Variants in CSRNP3 observed in about 807,000 individuals in gnomAD.
CSRNP3 encodes the protein cysteine and serine rich nuclear protein 3.
CSRNP3 carries 12 observed loss-of-function variants against 48.0 expected under a neutral mutation model. The observed-to-expected ratio is 0.25, with a 90% CI of 0.16 to 0.41. The LOEUF (loss-of-function observed/expected upper bound fraction) is 0.41. Ranked by LOEUF, CSRNP3 falls within the 10% of genes least tolerant of loss-of-function variation. CSRNP3 has a pLI of 1.00. For missense variants in CSRNP3, 580 were observed against 724.4 expected, an observed-to-expected ratio of 0.80 and a Z score of 2.29; for synonymous variants, 263 against 269.7, an observed-to-expected ratio of 0.98 and a Z score of 0.24.
At chr2:165,660,406 A>G (rs912388883) in intron 5 of CSRNP3, among the ~76,000 whole-genome samples, 2 of 152,050 alleles carry the variant, frequency 1.3e-5, no homozygotes, top group Non-Finnish European at 2.9e-5. Flanking sequence ...TCCTATTCTT[A>G]AATTAATTGA....
intron 2 of CSRNP3, among the ~76,000 whole-genome samples, chr2:165,496,197 A>T (rs989011287): frequency 6.6e-6 from 1 of 152,012 alleles, no homozygotes; most frequent in Admixed American, 6.6e-5. Flanking sequence ...AGAAAGTATT[A>T]AAAAAGTGAG....
intron 6 of CSRNP3, 147 bp downstream of exon 6, chr2:165,676,755 T>C: frequency 1.6e-6 from 1 of 632,936 alleles, no homozygotes; most frequent in Non-Finnish European, 2.7e-6. Flanking sequence ...AAGAAAGACA[T>C]AATTCAGGAA....
intron 3 of CSRNP3, among the ~76,000 whole-genome samples, chr2:165,545,420 C>T (rs1685011996): frequency 6.6e-6 from 1 of 152,042 alleles, no homozygotes; most frequent in Non-Finnish European, 1.5e-5. Flanking sequence ...ATTGCTGGCC[C>T]AGTGTCCCCG....
Position 165,679,882 on chromosome 2 carries a change from T to C in CSRNP3, c.*129T>C. Reference sequence around the variant, plus strand: ...GGACGGTGGTTAATCTTCCAGACTGTATTTTGTTTTTTCCTTTCTAGCCAC... The same window carrying C: ...GGACGGTGGTTAATCTTCCAGACTGCATTTTGTTTTTTCCTTTCTAGCCAC... On this transcript the variant is annotated 3_prime_UTR_variant, in exon 7 of 7. Coordinates refer to ENST00000651982, the MANE Select transcript of CSRNP3 (RefSeq NM_001172173.2). The C allele has an allele frequency of 1.5e-6, 2 of 1,335,212 alleles. No individual in the cohort carries two copies. Among genetic ancestry groups the C allele is most frequent in the Non-Finnish European group, 2.0e-6 (2 of 983,538 alleles). 82.7% of individuals were successfully genotyped at this position (1,335,212 alleles called of 1,614,324 possible).
At chr2:165,475,462 C>G (rs1300501862) in intron 1 of CSRNP3, among the ~76,000 whole-genome samples, 5 of 152,190 alleles carry the variant, frequency 3.3e-5, no homozygotes, top group Non-Finnish European at 4.4e-5. Context: ...GTCCTGTGCT[C>G]CCTGCCAGAG....
chr2:165,677,980 G>A (rs983022462), intron 6 of CSRNP3, among the ~76,000 whole-genome samples: 2 of 152,060 alleles, frequency 1.3e-5, no homozygotes, highest in African/African-American at 4.8e-5. Context: ...ATGGAATGGA[G>A]AGGGAAGGGG....
chr2:165,640,681 T>C (rs1292211665), intron 4 of CSRNP3, among the ~76,000 whole-genome samples: 1 of 152,188 alleles, frequency 6.6e-6, no homozygotes, highest in Non-Finnish European at 1.5e-5. Flanking sequence ...TGGGAGCAGC[T>C]GTTCACAGGC....
intron 4 of CSRNP3, among the ~76,000 whole-genome samples, chr2:165,645,665 A>G (rs1036968730): frequency 2.6e-5 from 4 of 152,202 alleles, no homozygotes; most frequent in African/African-American, 4.8e-5. Flanking sequence ...GGGTACACAA[A>G]TAAACCCAAC....
At chr2:165,492,426 G>A in intron 1 of CSRNP3, among the ~76,000 whole-genome samples, 1 of 151,902 alleles carries the variant, frequency 6.6e-6, no homozygotes. Context: ...TGTCTCTCTT[G>A]GGCTTTGGCA....
rs142389762 is a variant in CSRNP3, at chr2:165,515,297, G to T, written c.-112-2576G>T. ...CAGTTGCACCAGTGCACTCTAGCCT[G>T]GGTGACAGGGCAAGACTCCATCTCA... On this transcript the variant is annotated intron_variant, in intron 2 of 6. Transcript: ENST00000651982. 4.8e-3 allele frequency among the ~76,000 whole-genome samples: 719 copies of T among 149,872 alleles called. 9 individuals are homozygous for T. Among genetic ancestry groups the T allele is most frequent in the African/African-American group, 0.016 (650 of 40,734 alleles).
At chr2:165,666,524 C>G (rs1390800098) in intron 5 of CSRNP3, among the ~76,000 whole-genome samples, 41 of 12,860 alleles carry the variant, frequency 3.2e-3, no homozygotes, top group African/African-American at 4.8e-3. Flanking sequence ...GAAAGAAAGA[C>G]AGAGAGAGGA....
At chr2:165,473,630 G>A (rs774568486) in intron 1 of CSRNP3, among the ~76,000 whole-genome samples, 2 of 152,086 alleles carry the variant, frequency 1.3e-5, no homozygotes, top group Non-Finnish European at 2.9e-5. Context: ...AAGGGGGTTG[G>A]TTCAAAGCAG....
At chr2:165,505,884 A>G (rs1344886598) in intron 2 of CSRNP3, among the ~76,000 whole-genome samples, 1 of 152,188 alleles carries the variant, frequency 6.6e-6, no homozygotes, top group African/African-American at 2.4e-5. Flanking sequence ...TAAAATAGTC[A>G]AAGTTAATGA....
rs572373608 is a variant in CSRNP3, at chr2:165,603,196, G to A, written c.148+7983G>A. Among the ~76,000 whole-genome samples the A allele has an allele frequency of 2.0e-5, 3 of 152,266 alleles. No individual in the cohort carries two copies. The East Asian group carries it at 5.8e-4, about 29-fold the overall frequency. On this transcript the variant is annotated intron_variant, in intron 4 of 6. Transcript: ENST00000651982. Reference sequence around the variant, plus strand: ...AGGCGTGAGCCACCGCGCCCGGCCTGAATCTCCTGATGTTTCACAAACATT... The same window carrying A: ...AGGCGTGAGCCACCGCGCCCGGCCTAAATCTCCTGATGTTTCACAAACATT...
intron 4 of CSRNP3, among the ~76,000 whole-genome samples, chr2:165,596,899 T>G (rs1486129543): frequency 6.6e-6 from 1 of 152,210 alleles, no homozygotes; most frequent in Non-Finnish European, 1.5e-5. Flanking sequence ...TATGCTCCAA[T>G]AGCTTTATAG....
chr2:165,593,710 T>C (rs1008281195), intron 3 of CSRNP3, among the ~76,000 whole-genome samples: 1 of 152,180 alleles, frequency 6.6e-6, no homozygotes, highest in African/African-American at 2.4e-5. Flanking sequence ...ATTTATAGGA[T>C]TGACTATACT....
intron 3 of CSRNP3, among the ~76,000 whole-genome samples, chr2:165,594,400 T>C (rs1685775792): frequency 6.6e-6 from 1 of 152,178 alleles, no homozygotes; most frequent in African/African-American, 2.4e-5. Context: ...AGATAAATTA[T>C]TTAGAAGAAA....
chr2:165,576,069 GT>G (rs990503651), intron 3 of CSRNP3, among the ~76,000 whole-genome samples: 10 of 149,730 alleles, frequency 6.7e-5, no homozygotes, highest in Non-Finnish European at 1.3e-4. Flanking sequence ...ATATATAATT[GT>G]TTTTTATATA....
At chr2:165,486,592 A>G (rs1340611372) in intron 1 of CSRNP3, among the ~76,000 whole-genome samples, 3 of 91,796 alleles carry the variant, frequency 3.3e-5, no homozygotes, top group African/African-American at 1.3e-4. Flanking sequence ...ACGCAGCTGG[A>G]GATCTGAGAA....
Sources: allele counts gnomAD v4.1 joint callset (sites outside exome capture counted in the v4.1 genomes callset), GRCh38; gene constraint gnomAD v4.1.1; transcripts MANE v1.5; gene names NCBI Gene and HGNC (gene_info 2026-07-23, HGNC 2026-07-21).